PTPRG: variants seen among roughly 807,000 people sequenced by gnomAD.
PTPRG encodes receptor-type tyrosine-protein phosphatase gamma.
A neutral mutation model predicts 165.3 loss-of-function variants in PTPRG; 102 were observed. That is an observed-to-expected ratio of 0.62 (90% CI 0.53 to 0.73). PTPRG has a LOEUF of 0.73. PTPRG is among the 30% of genes least tolerant of loss of function. PTPRG has a pLI of 0.00. For synonymous variants in PTPRG, 675 were observed against 669.5 expected, an observed-to-expected ratio of 1.01 and a Z score of -0.13; for missense variants, 1,866 against 1,861.4, an observed-to-expected ratio of 1.00 and a Z score of -0.05.
intron 2 of PTPRG, among the ~76,000 whole-genome samples, chr3:61,828,341 A>C (rs1487422554): frequency 6.6e-6 from 1 of 152,218 alleles, no homozygotes; most frequent in Non-Finnish European, 1.5e-5. Context: ...TTATTCTTTC[A>C]TACAGCGACA....
At chr3:61,779,738 C>T (rs2034489569) in intron 2 of PTPRG, among the ~76,000 whole-genome samples, 1 of 151,994 alleles carries the variant, frequency 6.6e-6, no homozygotes. Flanking sequence ...TGTTAATATC[C>T]CACCCACATT....
At chr3:61,763,161 C>G (rs2033907477) in intron 2 of PTPRG, among the ~76,000 whole-genome samples, 1 of 152,254 alleles carries the variant, frequency 6.6e-6, no homozygotes, top group South Asian at 2.1e-4. Flanking sequence ...TTAGACTGAT[C>G]AGGATCTACC....
intron 1 of PTPRG, among the ~76,000 whole-genome samples, chr3:61,580,930 C>T (rs1393584402): frequency 6.6e-6 from 1 of 152,184 alleles, no homozygotes; most frequent in East Asian, 1.9e-4. Context: ...GGAGTAGTTA[C>T]AGGGAAGTAA....
At chr3:61,598,367 G>A (rs914972012) in intron 1 of PTPRG, among the ~76,000 whole-genome samples, 1 of 152,172 alleles carries the variant, frequency 6.6e-6, no homozygotes, top group Non-Finnish European at 1.5e-5. Flanking sequence ...GCTTCAGTGA[G>A]GCAGCGCAGC....
At chr3:61,800,424 G>A (rs1444944430) in intron 2 of PTPRG, among the ~76,000 whole-genome samples, 1 of 152,042 alleles carries the variant, frequency 6.6e-6, no homozygotes, top group Non-Finnish European at 1.5e-5. Flanking sequence ...AGAACTTGGA[G>A]AGTTTCCCAA....
intron 1 of PTPRG, among the ~76,000 whole-genome samples, chr3:61,717,935 C>A (rs1048547216): frequency 1.3e-5 from 2 of 152,086 alleles, no homozygotes; most frequent in East Asian, 1.9e-4. Context: ...AATCCCAGCA[C>A]TTTGGAGGCC....
chr3:62,212,743 G>C (rs1269006712), intron 12 of PTPRG, among the ~76,000 whole-genome samples: 1 of 152,194 alleles, frequency 6.6e-6, no homozygotes, highest in Non-Finnish European at 1.5e-5. Flanking sequence ...ACTGATGTGT[G>C]CCACGTGGGA....
chr3:62,159,758 C>A (rs558374514), intron 7 of PTPRG, among the ~76,000 whole-genome samples: 1 of 152,078 alleles, frequency 6.6e-6, no homozygotes, highest in African/African-American at 2.4e-5. Context: ...TGCTACAAAC[C>A]GTCTTAAGAT....
At chr3:62,073,050 A>G (rs1701261365) in intron 4 of PTPRG, among the ~76,000 whole-genome samples, 1 of 152,018 alleles carries the variant, frequency 6.6e-6, no homozygotes, top group Non-Finnish European at 1.5e-5. Flanking sequence ...AATGTGGGAC[A>G]ATCTGAGCAT....
intron 5 of PTPRG, among the ~76,000 whole-genome samples, chr3:62,101,815 T>G (rs1396846406): frequency 6.6e-6 from 1 of 152,248 alleles, no homozygotes; most frequent in East Asian, 1.9e-4. Context: ...AAACTCTTGA[T>G]ACTTATTTCC....
intron 1 of PTPRG, among the ~76,000 whole-genome samples, chr3:61,633,791 A>G (rs945062543): frequency 2.0e-5 from 3 of 152,156 alleles, no homozygotes; most frequent in Non-Finnish European, 4.4e-5. Context: ...CTTAGGAGGA[A>G]AAATATATAG....
At chr3:62,173,922 CT>C (rs1705317786) in intron 8 of PTPRG, among the ~76,000 whole-genome samples, 1 of 152,178 alleles carries the variant, frequency 6.6e-6, no homozygotes, top group East Asian at 1.9e-4. Context: ...GAAAAGTCAT[CT>C]TAATATTGTA....
intron 5 of PTPRG, among the ~76,000 whole-genome samples, chr3:62,090,458 A>C (rs1316782468): frequency 6.6e-6 from 1 of 152,184 alleles, no homozygotes; most frequent in Admixed American, 6.5e-5. Flanking sequence ...GTTTAGGGTC[A>C]TATCTGAACT....
At chr3:61,996,455 G>A (rs1275435452) in intron 3 of PTPRG, among the ~76,000 whole-genome samples, 4 of 152,060 alleles carry the variant, frequency 2.6e-5, no homozygotes, top group Non-Finnish European at 1.5e-5. Context: ...TTTGTTTATG[G>A]CACTGATGAA....
At chr3:62,180,714 C>T (rs1328429708) in intron 8 of PTPRG, among the ~76,000 whole-genome samples, 1 of 152,130 alleles carries the variant, frequency 6.6e-6, no homozygotes, top group Non-Finnish European at 1.5e-5. Flanking sequence ...CCTCCCTTAG[C>T]GCTGAGCTGA....
rs1463225245 is a variant in PTPRG at position 62,297,266 on chromosome 3, G to T, written c.*3959G>T. On this transcript the variant is annotated 3_prime_UTR_variant, in exon 30 of 30. Transcript: ENST00000474889. Reference sequence around the variant, plus strand: ...GGTGGATATGTGAATTCAACTTTCTGTGTATTGAAGTAGCAAAAACCATCT... The same window carrying T: ...GGTGGATATGTGAATTCAACTTTCTTTGTATTGAAGTAGCAAAAACCATCT... 1.3e-5 allele frequency: 2 copies of T among 151,734 alleles called. No homozygotes were observed. Among genetic ancestry groups the T allele is most frequent in the Non-Finnish European group, 1.5e-5 (1 of 67,882 alleles). 9.4% of individuals were successfully genotyped at this position (151,734 alleles called of 1,614,324 possible).
At chr3:61,634,099 A>G (rs1418201257) in intron 1 of PTPRG, among the ~76,000 whole-genome samples, 3 of 151,784 alleles carry the variant, frequency 2.0e-5, no homozygotes, top group South Asian at 2.1e-4. Context: ...TATTTTTAGT[A>G]GAGATGGGGT....
intron 4 of PTPRG, among the ~76,000 whole-genome samples, chr3:62,043,819 C>T (rs75647198): frequency 0.095 from 14,444 of 151,846 alleles, 901 homozygotes; most frequent in South Asian, 0.15. Flanking sequence ...CTAGTCAATT[C>T]GGAAGAAAAT....
chr3:61,742,988 A>T (rs942753415), intron 1 of PTPRG: 2 of 1,528,026 alleles, frequency 1.3e-6, no homozygotes, highest in East Asian at 2.2e-5. Context: ...TGGGGGTCAT[A>T]GTTCTTCAAG....
Sources: allele counts gnomAD v4.1 joint callset (sites outside exome capture counted in the v4.1 genomes callset), GRCh38; gene constraint gnomAD v4.1.1; transcripts MANE v1.5; gene names NCBI Gene and HGNC (gene_info 2026-07-23, HGNC 2026-07-21).